TRPM6: variants seen among roughly 807,000 people sequenced by gnomAD.
TRPM6 encodes channel kinase 2.
Under a neutral mutation model 247.6 loss-of-function variants are expected in TRPM6, and 111 were observed. The ratio of observed to expected loss-of-function variants is 0.45; its 90% CI spans 0.38 to 0.52. The LOEUF (loss-of-function observed/expected upper bound fraction) is 0.52. TRPM6 is among the 20% of genes least tolerant of loss of function. The pLI is 0.00. For synonymous variants in TRPM6, 892 were observed against 853.8 expected (o/e 1.04, Z -0.78); for missense variants, 2,126 against 2,421.5 (o/e 0.88, Z 2.56).
rs373991938 is a variant in TRPM6, at chr9:74,788,632, A to G, written c.2649T>C (p.Ala883=). Residue 883 remains alanine (A), a synonymous_variant, in exon 20 of 39, where the codon GCT becomes GCC. Transcript: ENST00000360774. ...WLVSIYIFTN[A]IEVVREICIS... is the part of the protein sequence containing the mutation. Reference sequence around the variant, plus strand: ...AACTCACCTCCCTGACCACCTCAATAGCATTGGTGAAGATGTAAATGCTAA... The same window carrying G: ...AACTCACCTCCCTGACCACCTCAATGGCATTGGTGAAGATGTAAATGCTAA... The G allele has an allele frequency of 4.5e-4, 733 of 1,613,994 alleles. 6 individuals carry two copies. The South Asian group carries it at 6.1e-3, about 13-fold the overall frequency.
At chr9:74,846,263 A>G (rs982137656) in intron 3 of TRPM6, among the ~76,000 whole-genome samples, 4 of 152,200 alleles carry the variant, frequency 2.6e-5, no homozygotes, top group African/African-American at 9.7e-5. Flanking sequence ...CCAGTACATG[A>G]ACAGACATTT....
chr9:74,818,607 C>T (rs372302084), intron 9 of TRPM6, among the ~76,000 whole-genome samples: 1 of 152,284 alleles, frequency 6.6e-6, no homozygotes, highest in South Asian at 2.1e-4. Context: ...CCGAGCATAT[C>T]TGTCATTTCT....
At chr9:74,726,499 A>ACTCTGTCTTTTG (rs1825330823) in intron 38 of TRPM6, among the ~76,000 whole-genome samples, 1 of 152,144 alleles carries the variant, frequency 6.6e-6, no homozygotes, top group Admixed American at 6.5e-5. Flanking sequence ...GACAAGAGCA[A>ACTCTGTCTTTTG]AACTCTGTCT....
At chr9:74,787,683 A>C (rs949267873) in intron 20 of TRPM6, among the ~76,000 whole-genome samples, 1 of 152,198 alleles carries the variant, frequency 6.6e-6, no homozygotes, top group Admixed American at 6.5e-5. Flanking sequence ...TTATGATTAC[A>C]GTTATAACTG....
In TRPM6 at chr9:74,822,350, C is replaced by T. The variant is rs776007413; in HGVS notation, c.842-513G>A. ...CTGCAGCCTCGACTTACCAGGCTCA[C>T]GCAATCCTCCTGTCTCAGCCTCCTG... On this transcript the variant is annotated intron_variant, in intron 7 of 38. Coordinates refer to ENST00000360774, the MANE Select transcript of TRPM6 (RefSeq NM_017662.5). Among the ~76,000 whole-genome samples, 7 of 152,026 alleles carry T rather than the reference C, an allele frequency of 4.6e-5. No homozygotes were observed. In the East Asian group the frequency reaches 7.7e-4, roughly 17 times the overall value.
intron 14 of TRPM6, among the ~76,000 whole-genome samples, chr9:74,806,880 C>A (rs1828542823): frequency 6.6e-6 from 1 of 152,130 alleles, no homozygotes; most frequent in Admixed American, 6.6e-5. Flanking sequence ...GAAGACAATC[C>A]AAGAAATGGG....
rs558862076 is a variant in TRPM6 at position 74,824,901 on chromosome 9, T to C, written c.841+2877A>G. On this transcript the variant is annotated intron_variant, in intron 7 of 38. Coordinates refer to ENST00000360774, the MANE Select transcript of TRPM6 (RefSeq NM_017662.5). ...TGTGAGTCTTTTTTTTTTTTTAAAG[T>C]ATTCTCTGCCAACAACAAGGGTTTG... Among the ~76,000 whole-genome samples the C allele has an allele frequency of 2.0e-5, 3 of 151,980 alleles. No individual in the cohort carries two copies. In the South Asian group the frequency reaches 6.2e-4, roughly 32 times the overall value.
At chr9:74,789,026 C>G (rs1223279199) in intron 19 of TRPM6, among the ~76,000 whole-genome samples, 1 of 152,160 alleles carries the variant, frequency 6.6e-6, no homozygotes, top group East Asian at 1.9e-4. Context: ...TTCCAGGACC[C>G]TGCACATCCA....
At chr9:74,747,831 ACCTCG>A in intron 31 of TRPM6, 53 bp downstream of exon 31, 2 of 1,377,170 alleles carry the variant, frequency 1.5e-6, no homozygotes, top group Non-Finnish European at 2.0e-6. Context: ...AGGACAGTGA[ACCTCG>A]CATTAAAAAG....
chr9:74,876,513 C>T (rs1002006673), intron 1 of TRPM6, among the ~76,000 whole-genome samples: 4 of 152,232 alleles, frequency 2.6e-5, no homozygotes, highest in Admixed American at 6.5e-5. Context: ...AAAGAGGATA[C>T]TGAATCTTAG....
At chr9:74,779,160 C>G (rs1439731742) in intron 23 of TRPM6, among the ~76,000 whole-genome samples, 1 of 152,064 alleles carries the variant, frequency 6.6e-6, no homozygotes, top group Non-Finnish European at 1.5e-5. Context: ...ACCTGTGGTC[C>G]CAGCTACTCG....
At chr9:74,796,938 A>T in intron 17 of TRPM6, 45 bp from the exon 18 acceptor site, 1 of 1,505,576 alleles carries the variant, frequency 6.6e-7, no homozygotes, top group Non-Finnish European at 9.2e-7. Context: ...GGACTACAAA[A>T]GCACATACTA....
At chr9:74,758,458 A>G (rs1165738859) in intron 27 of TRPM6, among the ~76,000 whole-genome samples, 1 of 152,204 alleles carries the variant, frequency 6.6e-6, no homozygotes, top group African/African-American at 2.4e-5. Flanking sequence ...AAGGTAATTT[A>G]ATATTCTAAG....
intron 3 of TRPM6, among the ~76,000 whole-genome samples, chr9:74,850,446 G>A (rs1023050083): frequency 2.0e-5 from 3 of 152,112 alleles, no homozygotes; most frequent in South Asian, 2.1e-4. Context: ...AAGGCCGGGC[G>A]CGGTGGCTCA....
intron 9 of TRPM6, among the ~76,000 whole-genome samples, chr9:74,819,387 T>C (rs1187850953): frequency 6.6e-6 from 1 of 152,008 alleles, no homozygotes; most frequent in East Asian, 1.9e-4. Flanking sequence ...CTCATGCCTA[T>C]AATCCCAGCA....
intron 37 of TRPM6, among the ~76,000 whole-genome samples, chr9:74,731,779 A>T (rs992252112): frequency 6.6e-6 from 1 of 151,576 alleles, no homozygotes; most frequent in African/African-American, 2.4e-5. Flanking sequence ...ATTAAGAAGT[A>T]AAAATGTATG....
intron 6 of TRPM6, among the ~76,000 whole-genome samples, chr9:74,831,349 G>A (rs778689781): frequency 4.6e-5 from 7 of 152,136 alleles, no homozygotes; most frequent in Non-Finnish European, 8.8e-5. Flanking sequence ...AATTAGCTGG[G>A]TGTGGTAGCG....
chr9:74,874,252 A>C (rs11144129), intron 1 of TRPM6, among the ~76,000 whole-genome samples: 21 of 151,174 alleles, frequency 1.4e-4, no homozygotes, highest in Admixed American at 2.6e-4. Flanking sequence ...AAAAAAAAAA[A>C]AAAAACAAGA....
At chr9:74,752,467 T>A in intron 28 of TRPM6, 99 bp from the exon 29 acceptor site, 1 of 705,032 alleles carries the variant, frequency 1.4e-6, no homozygotes, top group Non-Finnish European at 2.4e-6. Flanking sequence ...TACATTCATT[T>A]AAACTTGGAT....
Sources: allele counts gnomAD v4.1 joint callset (sites outside exome capture counted in the v4.1 genomes callset), GRCh38; gene constraint gnomAD v4.1.1; transcripts MANE v1.5; gene names NCBI Gene and HGNC (gene_info 2026-07-23, HGNC 2026-07-21).